The following TAOK3 variants were observed in gnomAD, a reference collection of about 807,000 sequenced individuals.
TAOK3 encodes the protein serine/threonine-protein kinase TAO3.
Under a neutral mutation model 120.4 loss-of-function variants are expected in TAOK3, and 40 were observed. That is an observed-to-expected ratio of 0.33 (90% CI 0.26 to 0.43). The LOEUF (loss-of-function observed/expected upper bound fraction) is 0.43. TAOK3 is among the 20% of genes least tolerant of loss of function. TAOK3 has a pLI of 1.00. For synonymous variants in TAOK3, 355 were observed against 387.5 expected, an observed-to-expected ratio of 0.92 and a Z score of 0.99; for missense variants, 821 against 1,112.1, an observed-to-expected ratio of 0.74 and a Z score of 3.72.
intron 1 of TAOK3, among the ~76,000 whole-genome samples, chr12:118,310,620 C>T (rs2043225253): frequency 6.6e-6 from 1 of 152,156 alleles, no homozygotes; most frequent in East Asian, 1.9e-4. Flanking sequence ...CAGAGTTTTG[C>T]TTGGACAGAT....
At chr12:118,368,603 C>T (rs1461372986) in intron 1 of TAOK3, among the ~76,000 whole-genome samples, 1 of 149,482 alleles carries the variant, frequency 6.7e-6, no homozygotes, top group Non-Finnish European at 1.5e-5. Context: ...GTCAGGAGTT[C>T]TAGATCAGCC....
At chr12:118,200,781 ATCTG>A (rs1476466457) in intron 12 of TAOK3, 1 of 152,316 alleles carries the variant, frequency 6.6e-6, no homozygotes, top group Non-Finnish European at 1.5e-5. Context: ...ACTCCTCCTT[ATCTG>A]TCACTGTCAA....
At chr12:118,215,511 C>T (rs2038857198) in intron 9 of TAOK3, among the ~76,000 whole-genome samples, 1 of 151,156 alleles carries the variant, frequency 6.6e-6, no homozygotes, top group African/African-American at 2.4e-5. Flanking sequence ...GACTCTGTCT[C>T]AAAAGAACAA....
chr12:118,331,576 T>C (rs2044147625), intron 1 of TAOK3, among the ~76,000 whole-genome samples: 1 of 136,482 alleles, frequency 7.3e-6, no homozygotes. Flanking sequence ...ACTGGGGAGG[T>C]GGAGGTTGCA....
intron 1 of TAOK3, among the ~76,000 whole-genome samples, chr12:118,272,639 C>T (rs1280331634): frequency 6.6e-6 from 1 of 152,098 alleles, no homozygotes; most frequent in African/African-American, 2.4e-5. Context: ...TTAAGCATCA[C>T]ATCACACCTC....
intron 1 of TAOK3, among the ~76,000 whole-genome samples, chr12:118,322,718 CT>C (rs199608892): frequency 0.07 from 6,549 of 93,742 alleles, 32 homozygotes; most frequent in African/African-American, 0.13. Flanking sequence ...ATTTAAAAAC[CT>C]TTTTTTTTTT....
intron 1 of TAOK3, among the ~76,000 whole-genome samples, chr12:118,343,363 G>A (rs1391244046): frequency 1.3e-5 from 2 of 150,266 alleles, no homozygotes; most frequent in Non-Finnish European, 2.9e-5. Flanking sequence ...GAAGGCGGAG[G>A]TTACAGTGAG....
chr12:118,281,891 G>A (rs1454027415), intron 1 of TAOK3, among the ~76,000 whole-genome samples: 2 of 152,154 alleles, frequency 1.3e-5, no homozygotes, highest in Non-Finnish European at 1.5e-5. Flanking sequence ...CAAGTGATGA[G>A]CATAAAAAAT....
chr12:118,316,962 A>G lies in TAOK3; in HGVS notation c.-193-50203T>C, dbSNP rs561890695. Among the ~76,000 whole-genome samples the G allele has an allele frequency of 6.6e-5, 10 of 152,222 alleles. No homozygotes were observed. In the South Asian group the frequency reaches 2.1e-3, roughly 32 times the overall value. ...GGAAGCATAAAAACATGAACAATGAAAACTACAAAACATTGCTGGGGCTGG... is the reference window on the plus strand; with the variant it reads ...GGAAGCATAAAAACATGAACAATGAGAACTACAAAACATTGCTGGGGCTGG... On this transcript the variant is annotated intron_variant, in intron 1 of 20. Transcript: ENST00000392533.
intron 2 of TAOK3, among the ~76,000 whole-genome samples, chr12:118,258,579 T>C (rs771369790): frequency 6.6e-6 from 1 of 151,854 alleles, no homozygotes; most frequent in Non-Finnish European, 1.5e-5. Flanking sequence ...CTAGGTGTGG[T>C]GGTGCTCCTG....
At chr12:118,218,880 G>A (rs1161752829) in intron 9 of TAOK3, among the ~76,000 whole-genome samples, 1 of 151,208 alleles carries the variant, frequency 6.6e-6, no homozygotes, top group Non-Finnish European at 1.5e-5. Flanking sequence ...CTTGAACTGG[G>A]AGGTGGAGGT....
intron 1 of TAOK3, among the ~76,000 whole-genome samples, chr12:118,291,294 T>C (rs1166144291): frequency 6.6e-6 from 1 of 151,738 alleles, no homozygotes; most frequent in Non-Finnish European, 1.5e-5. Flanking sequence ...GTAGCTGGGA[T>C]AACAGGCATC....
At chr12:118,172,893 T>C (rs2036093584) in intron 16 of TAOK3, among the ~76,000 whole-genome samples, 2 of 152,228 alleles carry the variant, frequency 1.3e-5, no homozygotes, top group Non-Finnish European at 2.9e-5. Context: ...AGAAATTATT[T>C]GTTCACTCAT....
intron 3 of TAOK3, among the ~76,000 whole-genome samples, chr12:118,248,820 A>T (rs1379385109): frequency 6.6e-6 from 1 of 152,166 alleles, no homozygotes; most frequent in East Asian, 1.9e-4. Context: ...GCTTCCACTC[A>T]CTTACACATC....
At chr12:118,188,923 AGTGTGT>A (rs35868707) in intron 14 of TAOK3, among the ~76,000 whole-genome samples, 1 of 150,884 alleles carries the variant, frequency 6.6e-6, no homozygotes, top group Admixed American at 6.6e-5. Flanking sequence ...AAACGATGTG[AGTGTGT>A]GTGTGTGTGT....
intron 5 of TAOK3, among the ~76,000 whole-genome samples, chr12:118,242,087 C>CA (rs138217247): frequency 0.15 from 16,504 of 110,584 alleles, 1,037 homozygotes; most frequent in Middle Eastern, 0.22. Flanking sequence ...AACTCTGTCT[C>CA]AAAAAAAAAA....
intron 1 of TAOK3, chr12:118,359,118 G>A (rs981252760): frequency 1.3e-5 from 2 of 152,142 alleles, no homozygotes; most frequent in African/African-American, 4.8e-5. Flanking sequence ...TTCATCCCGA[G>A]AAAGGAAGTT....
At position 118,150,956 on chromosome 12, in the gene TAOK3, CTTT is replaced by C. The variant is rs201481032; in HGVS notation, c.*38_*40del. ...CAGGGTCTGAATTTTTTTCTGTTTT[CTTT>C]TTTTTTTTTTTTTTTGTAAATGGCA... On this transcript the variant is annotated 3_prime_UTR_variant, in exon 21 of 21. Transcript: ENST00000392533. 3.0e-3 allele frequency: 3,664 copies of C among 1,233,700 alleles called. No homozygotes were observed. Among genetic ancestry groups the C allele is most frequent in the Non-Finnish European group, 3.1e-3 (2,866 of 926,598 alleles). The allele number at this position is 1,233,700 out of a possible 1,614,324, so 76.4% of individuals were successfully genotyped here.
intron 1 of TAOK3, among the ~76,000 whole-genome samples, chr12:118,332,616 C>G (rs2044199073): frequency 1.3e-5 from 2 of 152,182 alleles, no homozygotes; most frequent in Non-Finnish European, 1.5e-5. Context: ...TTAGGATACA[C>G]AGAAAGAAGC....
Sources: gnomAD v4.1 joint callset for allele counts (sites outside exome capture counted in the v4.1 genomes callset) on GRCh38, gnomAD v4.1.1 for gene constraint, MANE v1.5 for transcripts, NCBI Gene and HGNC (gene_info 2026-07-23, HGNC 2026-07-21) for gene names.